The following THSD4 variants were observed in gnomAD, a reference collection of about 807,000 sequenced individuals.
THSD4 encodes thrombospondin type-1 domain-containing protein 4.
THSD4 carries 69 observed loss-of-function variants against 119.0 expected under a neutral mutation model. The ratio of observed to expected loss-of-function variants is 0.58; its 90% CI spans 0.48 to 0.71. The LOEUF (loss-of-function observed/expected upper bound fraction) is 0.71. THSD4 is among the 30% of genes least tolerant of loss of function. The probability of loss-of-function intolerance (pLI) is 0.00; values close to 1 mark genes in which losing one functional copy is unlikely to be tolerated. For missense variants in THSD4, 1,393 were observed against 1,391.1 expected, an observed-to-expected ratio of 1.00 and a Z score of -0.02; for synonymous variants, 524 against 540.4, an observed-to-expected ratio of 0.97 and a Z score of 0.42.
chr15:71,585,813 T>C (rs2049657261), intron 7 of THSD4, among the ~76,000 whole-genome samples: 1 of 152,182 alleles, frequency 6.6e-6, no homozygotes, highest in Admixed American at 6.5e-5. Context: ...CTAGATAATT[T>C]CAAATGACTT....
chr15:71,307,942 C>T (rs1254204656), intron 6 of THSD4, among the ~76,000 whole-genome samples: 1 of 152,176 alleles, frequency 6.6e-6, no homozygotes, highest in Non-Finnish European at 1.5e-5. Flanking sequence ...GCTTAATTCT[C>T]CCAGCAACAA....
At chr15:71,546,161 A>C in intron 7 of THSD4, among the ~76,000 whole-genome samples, 1 of 127,432 alleles carries the variant, frequency 7.8e-6, no homozygotes, top group East Asian at 1.9e-4. Flanking sequence ...CACCAGGGTT[A>C]AATACTCACC....
rs188717684 is a variant in THSD4 at position 71,370,952 on chromosome 15, T to A, written c.1016-40735T>A. 6.6e-5 allele frequency among the ~76,000 whole-genome samples: 10 copies of A among 152,350 alleles called. No homozygotes were observed. The East Asian group carries it at 1.9e-3, about 29-fold the overall frequency. ...AGTCTCTAAGGACTTGCTTTATGAA[T>A]CTGGTTGCTCCTGTATTGGGTGCAT... On this transcript the variant is annotated intron_variant, in intron 6 of 17. Coordinates refer to ENST00000261862, the MANE Select transcript of THSD4 (RefSeq NM_024817.3).
chr15:71,252,131 C>T (rs554783129), intron 5 of THSD4, among the ~76,000 whole-genome samples: 1 of 152,278 alleles, frequency 6.6e-6, no homozygotes, highest in Non-Finnish European at 1.5e-5. Flanking sequence ...GGCTTTTCCC[C>T]TGTCTCAGTT....
chr15:71,489,099 C>T (rs1052148221), intron 7 of THSD4, among the ~76,000 whole-genome samples: 1 of 152,138 alleles, frequency 6.6e-6, no homozygotes, highest in Non-Finnish European at 1.5e-5. Flanking sequence ...CAGAAAAGCT[C>T]ATAGGAACAA....
At chr15:71,610,935 G>T (rs1449690683) in intron 7 of THSD4, among the ~76,000 whole-genome samples, 1 of 152,218 alleles carries the variant, frequency 6.6e-6, no homozygotes, top group Non-Finnish European at 1.5e-5. Context: ...ATATTTATAT[G>T]TGTGTAGATG....
chr15:71,414,599 G>A (rs2046734417), intron 7 of THSD4, among the ~76,000 whole-genome samples: 1 of 152,206 alleles, frequency 6.6e-6, no homozygotes. Context: ...TGACTCGGAA[G>A]GAATATGAAA....
Position 71,495,191 on chromosome 15 carries a change from TTTTTCTCACC to T in THSD4, c.1152+83369_1152+83378del, listed in dbSNP as rs2047993966. Among the ~76,000 whole-genome samples the T allele has an allele frequency of 2.6e-5, 4 of 152,274 alleles. No homozygotes were observed. The South Asian group carries it at 8.3e-4, about 32-fold the overall frequency. ...AACTGCCAATAGCAACCCAACCCCG[TTTTTCTCACC>T]ATAAATTTGAATTGTTGGGTTACTT... On this transcript the variant is annotated intron_variant, in intron 7 of 17. Transcript: ENST00000261862.
At chr15:71,467,253 A>G (rs1004228663) in intron 7 of THSD4, among the ~76,000 whole-genome samples, 1 of 152,252 alleles carries the variant, frequency 6.6e-6, no homozygotes, top group Non-Finnish European at 1.5e-5. Context: ...AAGGAGGAAT[A>G]TCTCATCCAT....
chr15:71,364,017 T>C (rs1300474828), intron 6 of THSD4, among the ~76,000 whole-genome samples: 4 of 152,204 alleles, frequency 2.6e-5, no homozygotes, highest in African/African-American at 9.7e-5. Context: ...AAAGTTGTGT[T>C]ACTCAAGGCG....
At chr15:71,712,682 C>T (rs2052539657) in intron 8 of THSD4, among the ~76,000 whole-genome samples, 1 of 152,136 alleles carries the variant, frequency 6.6e-6, no homozygotes, top group Admixed American at 6.5e-5. Flanking sequence ...CCTAGTACAA[C>T]CCAACTATTC....
intron 8 of THSD4, among the ~76,000 whole-genome samples, chr15:71,691,572 C>A (rs541794063): frequency 6.6e-6 from 1 of 152,308 alleles, no homozygotes; most frequent in South Asian, 2.1e-4. Flanking sequence ...ATTTCTCTGA[C>A]CTTTATGCTC....
chr15:71,513,949 T>G (rs1381366964), intron 7 of THSD4, among the ~76,000 whole-genome samples: 2 of 152,362 alleles, frequency 1.3e-5, no homozygotes, highest in Non-Finnish European at 1.5e-5. Context: ...TCCATTTATA[T>G]GCAGCTCTAG....
At chr15:71,108,230 A>G (rs2040282198) in intron 1 of THSD4, among the ~76,000 whole-genome samples, 2 of 152,180 alleles carry the variant, frequency 1.3e-5, no homozygotes, top group African/African-American at 2.4e-5. Context: ...TCAGGCCTCA[A>G]AACTGTTCCT....
rs201614684 is a variant in THSD4 at position 71,699,915 on chromosome 15, C to CTA, written c.1358-28633_1358-28632dup. Reference sequence around the variant, plus strand: ...CTGAAAAATTACTTGATAATATTTACTACCCAATCTGTACAAATTAATAAA... The same window carrying CTA: ...CTGAAAAATTACTTGATAATATTTACTATACCCAATCTGTACAAATTAATAAA... On this transcript the variant is annotated intron_variant, in intron 8 of 17. Coordinates refer to ENST00000261862, the MANE Select transcript of THSD4 (RefSeq NM_024817.3). 8.7e-3 allele frequency among the ~76,000 whole-genome samples: 1,329 copies of CTA among 152,178 alleles called. 56 individuals carry two copies. Among genetic ancestry groups the CTA allele is most frequent in the Admixed American group, 0.06 (914 of 15,276 alleles).
At position 71,780,689 on chromosome 15, in the gene THSD4, A is replaced by G. The variant is rs887854697; in HGVS notation, c.*3315A>G. On this transcript the variant is annotated 3_prime_UTR_variant, in exon 18 of 18. Transcript: ENST00000261862. The stretch of plus-strand genomic sequence containing the variant: ...CGCCCCCAGGGAACTAGAACATGAC[A>G]AGAATTCTCCGCACTGTGCCTACCT... The G allele has an allele frequency of 4.4e-6, 2 of 456,618 alleles. No homozygotes were observed. Among genetic ancestry groups the G allele is most frequent in the African/African-American group, 4.0e-5 (2 of 50,084 alleles). 28.3% of individuals were successfully genotyped at this position (456,618 alleles called of 1,614,324 possible). A position where few individuals can be genotyped will look rare whatever the true frequency, so the allele number is the denominator to read the frequency against.
intron 6 of THSD4, among the ~76,000 whole-genome samples, chr15:71,390,541 T>A (rs1201960756): frequency 6.6e-6 from 1 of 152,214 alleles, no homozygotes; most frequent in Non-Finnish European, 1.5e-5. Flanking sequence ...ATGTCTACTT[T>A]GTCATATAGC....
intron 8 of THSD4, among the ~76,000 whole-genome samples, chr15:71,680,716 G>A (rs373574435): frequency 6.6e-6 from 1 of 152,140 alleles, no homozygotes; most frequent in African/African-American, 2.4e-5. Flanking sequence ...TCTCAGCCAC[G>A]CAGCTTTCTG....
chr15:71,745,022 C>A, intron 11 of THSD4, 84 bp from the exon 12 acceptor site: 1 of 1,516,822 alleles, frequency 6.6e-7, no homozygotes, highest in Non-Finnish European at 8.9e-7. Context: ...TCTTCATCAG[C>A]ACCCGAATCT....
Sources: allele counts gnomAD v4.1 joint callset (sites outside exome capture counted in the v4.1 genomes callset), GRCh38; gene constraint gnomAD v4.1.1; transcripts MANE v1.5; gene names NCBI Gene and HGNC (gene_info 2026-07-23, HGNC 2026-07-21).